Variants in STAG3 observed in about 807,000 individuals in gnomAD.
STAG3 encodes the protein STAG3 cohesin complex component.
A neutral mutation model predicts 160.7 loss-of-function variants in STAG3; 101 were observed. That is an observed-to-expected ratio of 0.63 (90% confidence interval 0.54 to 0.74). The LOEUF (loss-of-function observed/expected upper bound fraction) is 0.74, where lower values mean the gene tolerates loss of function less well. STAG3 is among the 30% of genes least tolerant of loss of function. The pLI is 0.00. For missense variants in STAG3, 1,188 were observed against 1,517.4 expected (o/e 0.78, Z 3.61); for synonymous variants, 519 against 585.0 (o/e 0.89, Z 1.63).
In STAG3 at chr7:100,204,076, T is replaced by C; in HGVS notation, c.2756T>C (p.Ile919Thr). The C allele has an allele frequency of 2.5e-6, 4 of 1,614,208 alleles. No homozygotes were observed. Among genetic ancestry groups the C allele is most frequent in the African/African-American group, 1.3e-5 (1 of 75,074 alleles). ...GAAACATTAACTAGAGCAAGGCAGA[T>C]TGACCGAAGTCATTGTTCCCGAATC... ...IKETLTRARQ[I>T]DRSHCSRILL... is the part of the protein sequence containing the mutation. The change falls in exon 26 of 34, where the codon ATT (isoleucine) becomes ACT (threonine). Residue 919 changes from isoleucine (I) to threonine (T), a missense_variant. This residue lies in a region of STAG3 where 647 missense variants were observed against 717.2 expected (regional missense o/e 0.90). Coordinates refer to ENST00000615138, the MANE Select transcript of STAG3 (RefSeq NM_001282717.2).
chr7:100,195,446 A>G, intron 9 of STAG3, 64 bp downstream of exon 9: 1 of 1,500,684 alleles, frequency 6.7e-7, no homozygotes. Context: ...GAGGAAGTGA[A>G]TAAGGTTTTC....
At position 100,204,024 on chromosome 7, in the gene STAG3, T is replaced by C. The variant is rs1801396552; in HGVS notation, c.2704T>C (p.Tyr902His). The change falls in exon 26 of 34, where the codon TAC (tyrosine) becomes CAC (histidine). Residue 902 changes from tyrosine (Y) to histidine (H), a missense_variant. This residue lies in a region of STAG3 where 647 missense variants were observed against 717.2 expected (regional missense o/e 0.90). Coordinates refer to ENST00000615138, the MANE Select transcript of STAG3 (RefSeq NM_001282717.2). The part of the protein sequence containing the change: ...SDVFKHYNKF[Y>H]NDYGDIIKET... ...CTTCCCCACTCTTTCCCCTCAGTTCTACAATGACTATGGTGACATTATCAA... is the reference window on the plus strand; with the variant it reads ...CTTCCCCACTCTTTCCCCTCAGTTCCACAATGACTATGGTGACATTATCAA... The C allele has an allele frequency of 1.2e-6, 2 of 1,611,366 alleles. No individual in the cohort carries two copies. Among genetic ancestry groups the C allele is most frequent in the Non-Finnish European group, 1.7e-6 (2 of 1,177,512 alleles).
chr7:100,196,251 ACT>A (rs1346957194), intron 9 of STAG3, among the ~76,000 whole-genome samples: 4 of 151,646 alleles, frequency 2.6e-5, no homozygotes, highest in African/African-American at 9.7e-5. Flanking sequence ...ATTAAAACAC[ACT>A]CACACACTTT....
chr7:100,199,632 C>T lies in STAG3; in HGVS notation c.1665C>T (p.Val555=), dbSNP rs1309747576. Residue 555 remains valine (V), a synonymous_variant, in exon 16 of 34, where the codon GTC becomes GTT. Coordinates refer to ENST00000615138, the MANE Select transcript of STAG3 (RefSeq NM_001282717.2). ...AGGGGCACCCGCCTGTGGGCCGGGT[C>T]ACTGGGAGGAAGGTATGGTGTGAGG... ...ASEGHPPVGR[V]TGRKGLTSKE... 6.3e-7 allele frequency: 1 copy of T among 1,595,190 alleles called. No homozygotes were observed. Among genetic ancestry groups the T allele is most frequent in the Non-Finnish European group, 8.5e-7 (1 of 1,170,832 alleles).
chr7:100,191,768 ACT>A (rs1464346383), intron 8 of STAG3, among the ~76,000 whole-genome samples: 3 of 151,956 alleles, frequency 2.0e-5, no homozygotes, highest in Non-Finnish European at 1.5e-5. Context: ...GCATCTACTG[ACT>A]CTTCCTTTTA....
At chr7:100,199,954 T>C (rs1289951920) in intron 16 of STAG3, among the ~76,000 whole-genome samples, 2 of 148,634 alleles carry the variant, frequency 1.3e-5, no homozygotes, top group African/African-American at 2.5e-5. Context: ...TAGTCCCAGC[T>C]ACTTGGGAGG....
At chr7:100,216,521 C>A (rs1802764148), downstream of STAG3, among the ~76,000 whole-genome samples, 1 of 152,146 alleles carries the variant, frequency 6.6e-6, no homozygotes, top group Non-Finnish European at 1.5e-5. Context: ...CAGTTTAGGG[C>A]TGGGTGCGGT....
At chr7:100,217,471 C>T (rs1563021542), downstream of STAG3, among the ~76,000 whole-genome samples, 1 of 152,238 alleles carries the variant, frequency 6.6e-6, no homozygotes, top group Non-Finnish European at 1.5e-5. Context: ...CCTACTAGGT[C>T]TGTGGGTTTT....
chr7:100,218,997 C>G (rs1803012954), downstream of STAG3: 1 of 155,560 alleles, frequency 6.4e-6, no homozygotes, highest in African/African-American at 2.4e-5. Context: ...ATAGATAAAC[C>G]CAGGGCGTTT....
At position 100,211,752 on chromosome 7, in the gene STAG3, CAAAG is replaced by C. The variant is rs754758372; in HGVS notation, c.3519-40_3519-37del. 3.1e-6 allele frequency: 5 copies of C among 1,607,154 alleles called. No individual in the cohort carries two copies. In the South Asian group the frequency reaches 4.4e-5, roughly 14 times the overall value. On this transcript the variant is annotated intron_variant, in intron 31 of 33. Coordinates refer to ENST00000615138, the MANE Select transcript of STAG3 (RefSeq NM_001282717.2). The stretch of plus-strand genomic sequence containing the variant: ...TGTCTGAGAAACTCTCAGGGGTCCT[CAAAG>C]AACAGTTTGAAAAGCCAGTCTCTTT...
chr7:100,204,092 T>C lies in STAG3; in HGVS notation c.2772T>C (p.Cys924=). Residue 924 remains cysteine, a synonymous_variant, in exon 26 of 34, where the codon TGT becomes TGC. Coordinates refer to ENST00000615138, the MANE Select transcript of STAG3 (RefSeq NM_001282717.2). ...TRARQIDRSH[C]SRILLLSLKQ... ...CAAGGCAGATTGACCGAAGTCATTG[T>C]TCCCGAATCCTGCTGCTGAGCCTCA... 2 of 1,613,978 alleles carry C rather than the reference T, an allele frequency of 1.2e-6. No homozygotes were observed. The highest frequency in any genetic ancestry group is 1.7e-6 in the Non-Finnish European group (2 of 1,179,834).
In STAG3 at chr7:100,198,049, G is replaced by T. The variant is rs139707192; in HGVS notation, c.1165-38G>T. 7.1e-4 allele frequency: 1,142 copies of T among 1,602,676 alleles called. 7 individuals are homozygous for T. The African/African-American group carries it at 0.014, about 20-fold the overall frequency. On this transcript the variant is annotated intron_variant, in intron 11 of 33. Coordinates refer to ENST00000615138, the MANE Select transcript of STAG3 (RefSeq NM_001282717.2). ...TAAGAGAACAGAATGTTTGGAATGG[G>T]TGTAATGAGATATTGAGTGACTTTC...
chr7:100,217,489 C>G (rs1727136), downstream of STAG3, among the ~76,000 whole-genome samples: 22 of 151,736 alleles, frequency 1.4e-4, no homozygotes, highest in East Asian at 5.8e-4. Context: ...TTTTCTCCTC[C>G]TGTGCGGAGA....
upstream of STAG3, chr7:100,177,879 G>A (rs1327866004): frequency 6.6e-6 from 1 of 152,308 alleles, no homozygotes; most frequent in African/African-American, 2.4e-5. Flanking sequence ...CGAGCCGTTG[G>A]GATTGCGCTT....
intron 5 of STAG3, 76 bp downstream of exon 5, chr7:100,186,372 A>C (rs940846543): frequency 3.4e-5 from 46 of 1,343,444 alleles, no homozygotes; most frequent in Non-Finnish European, 4.7e-5. Context: ...CATTTAGATA[A>C]GTAGGATTAG....
intron 33 of STAG3, 100 bp downstream of exon 33, chr7:100,213,906 C>T (rs1802528828): frequency 6.2e-7 from 1 of 1,612,854 alleles, no homozygotes; most frequent in African/African-American, 1.3e-5. Flanking sequence ...GGGTGGCCCT[C>T]TGGGCTGTCT....
Position 100,201,361 on chromosome 7 carries a change from C to A in STAG3, c.2220+10C>A, listed in dbSNP as rs779977270. 1.2e-6 allele frequency: 2 copies of A among 1,613,142 alleles called. No individual in the cohort carries two copies. Among genetic ancestry groups the A allele is most frequent in the East Asian group, 2.2e-5 (1 of 44,882 alleles). Reference sequence around the variant, plus strand: ...AGAGGTTCCTCACCAGGTGAGTGGACAGGCTAGAGATGGGTTGGGGGCTGG... The same window carrying A: ...AGAGGTTCCTCACCAGGTGAGTGGAAAGGCTAGAGATGGGTTGGGGGCTGG... On this transcript the variant is annotated intron_variant, in intron 21 of 33. Transcript: ENST00000615138.
intron 29 of STAG3, among the ~76,000 whole-genome samples, chr7:100,208,190 A>G (rs140058658): frequency 6.6e-6 from 1 of 151,978 alleles, no homozygotes; most frequent in African/African-American, 2.4e-5. Flanking sequence ...TTTTGTATAT[A>G]GTGTGAGATG....
intron 4 of STAG3, 61 bp downstream of exon 4, chr7:100,182,900 G>A: frequency 1.9e-6 from 3 of 1,587,882 alleles, no homozygotes; most frequent in Non-Finnish European, 1.7e-6. Flanking sequence ...GTAAGGACAA[G>A]TGTCTACAAA....
Sources: gnomAD v4.1 joint callset for allele counts (sites outside exome capture counted in the v4.1 genomes callset) on GRCh38, gnomAD v4.1.1 for gene constraint, gnomAD v4.1.1 regional missense constraint, MANE v1.5 for transcripts, NCBI Gene and HGNC (gene_info 2026-07-23, HGNC 2026-07-21) for gene names.